The following PPP2R2B variants were observed in gnomAD, a reference collection of about 807,000 sequenced individuals.
PPP2R2B encodes serine/threonine-protein phosphatase 2A 55 kDa regulatory subunit B beta isoform.
Under a neutral mutation model 46.0 loss-of-function variants are expected in PPP2R2B, and 5 were observed. The ratio of observed to expected loss-of-function variants is 0.11; its 90% CI spans 0.06 to 0.23. The LOEUF (loss-of-function observed/expected upper bound fraction) is 0.23, where lower values mean the gene tolerates loss of function less well. PPP2R2B is among the 10% of genes least tolerant of loss of function. The pLI is 1.00. For synonymous variants in PPP2R2B, 215 were observed against 206.7 expected, an observed-to-expected ratio of 1.04 and a Z score of -0.34; for missense variants, 367 against 575.0, an observed-to-expected ratio of 0.64 and a Z score of 3.70.
intron 5 of PPP2R2B, among the ~76,000 whole-genome samples, chr5:146,658,045 G>A (rs1277779379): frequency 6.6e-6 from 1 of 152,150 alleles, no homozygotes; most frequent in Non-Finnish European, 1.5e-5. Context: ...GCCACACAGA[G>A]TATCCTTGAG....
At chr5:147,018,043 G>GCACACA (rs60161356) in intron 1 of PPP2R2B, among the ~76,000 whole-genome samples, 24 of 48,278 alleles carry the variant, frequency 5.0e-4, no homozygotes, top group African/African-American at 2.5e-3. Flanking sequence ...GCATGCGCGC[G>GCACACA]CACACACACA....
chr5:146,844,366 AC>A (rs975239104), intron 2 of PPP2R2B, among the ~76,000 whole-genome samples: 14 of 132,212 alleles, frequency 1.1e-4, no homozygotes, highest in South Asian at 1.1e-3. Context: ...AAAAAAAAAA[AC>A]ATTAAAAAAA....
intron 1 of PPP2R2B, among the ~76,000 whole-genome samples, chr5:147,039,570 A>G (rs778374074): frequency 5.9e-5 from 9 of 152,158 alleles, no homozygotes; most frequent in Admixed American, 2.0e-4. Context: ...ACCAGTAAGC[A>G]CCCAAATTAG....
rs989883984 is a variant in PPP2R2B at position 146,585,386 on chromosome 5, C to T, written c.*4561G>A. Reference sequence around the variant, plus strand: ...TTGTGAACTGTGTAAATTTGGTTGTCATTCATCTGTTTCTGTATCTATAAA... The same window carrying T: ...TTGTGAACTGTGTAAATTTGGTTGTTATTCATCTGTTTCTGTATCTATAAA... On this transcript the variant is annotated 3_prime_UTR_variant, in exon 10 of 10. Transcript: ENST00000394411. 1 of 151,906 alleles carries T rather than the reference C, an allele frequency of 6.6e-6. No homozygotes were observed. The highest frequency in any genetic ancestry group is 1.5e-5 in the Non-Finnish European group (1 of 68,018). The allele number at this position is 151,906 out of a possible 1,614,324, so 9.4% of individuals were successfully genotyped here.
chr5:146,852,723 A>G (rs1440536364), intron 2 of PPP2R2B, among the ~76,000 whole-genome samples: 2 of 152,158 alleles, frequency 1.3e-5, no homozygotes, highest in Non-Finnish European at 2.9e-5. Context: ...GAACCTGCTT[A>G]TGTGACAATA....
chr5:146,841,854 C>A (rs1369270614), intron 2 of PPP2R2B, among the ~76,000 whole-genome samples: 2 of 152,072 alleles, frequency 1.3e-5, no homozygotes, highest in African/African-American at 4.8e-5. Context: ...ATGGGTGCAG[C>A]AAACCACCAT....
At chr5:147,007,766 TG>T (rs532396477) in intron 1 of PPP2R2B, among the ~76,000 whole-genome samples, 1 of 152,162 alleles carries the variant, frequency 6.6e-6, no homozygotes, top group Non-Finnish European at 1.5e-5. Context: ...GCTGTAACAC[TG>T]ACTGCGAGGG....
intron 1 of PPP2R2B, among the ~76,000 whole-genome samples, chr5:146,958,944 C>A (rs1752048802): frequency 6.6e-6 from 1 of 152,102 alleles, no homozygotes; most frequent in Non-Finnish European, 1.5e-5. Flanking sequence ...CAAGATCATC[C>A]ATTTAGTAAG....
upstream of PPP2R2B, among the ~76,000 whole-genome samples, chr5:147,059,134 A>G (rs1757180584): frequency 6.6e-6 from 1 of 152,176 alleles, no homozygotes; most frequent in Non-Finnish European, 1.5e-5. Context: ...GCAACATAGG[A>G]TATGAGATAC....
intron 1 of PPP2R2B, among the ~76,000 whole-genome samples, chr5:146,942,515 A>G (rs980207222): frequency 6.6e-6 from 1 of 152,194 alleles, no homozygotes; most frequent in Non-Finnish European, 1.5e-5. Context: ...GCACTTGTGC[A>G]ATTACTTCTT....
chr5:147,031,168 C>T (rs924014840), intron 1 of PPP2R2B, among the ~76,000 whole-genome samples: 4 of 151,884 alleles, frequency 2.6e-5, no homozygotes, highest in Admixed American at 6.6e-5. Flanking sequence ...ACCCGGGAGG[C>T]GGAGCTTGCA....
intron 2 of PPP2R2B, among the ~76,000 whole-genome samples, chr5:146,812,826 T>TAC: frequency 1.1e-5 from 1 of 91,786 alleles, no homozygotes; most frequent in African/African-American, 4.1e-5. Context: ...TATATATATA[T>TAC]ATACACACAC....
At chr5:146,984,357 C>A (rs987701713) in intron 1 of PPP2R2B, among the ~76,000 whole-genome samples, 2 of 152,114 alleles carry the variant, frequency 1.3e-5, no homozygotes, top group African/African-American at 4.8e-5. Context: ...CTGTGCCTGC[C>A]TTATTTGACT....
intron 1 of PPP2R2B, among the ~76,000 whole-genome samples, chr5:146,985,026 T>C (rs1271787499): frequency 2.8e-5 from 4 of 144,356 alleles, no homozygotes; most frequent in East Asian, 4.0e-4. Flanking sequence ...TCTTTTTTTT[T>C]TTTTTTTTTT....
At chr5:146,649,194 T>G (rs1775780884) in intron 6 of PPP2R2B, among the ~76,000 whole-genome samples, 1 of 151,806 alleles carries the variant, frequency 6.6e-6, no homozygotes, top group Admixed American at 6.6e-5. Context: ...ATAGATGGAG[T>G]TAGAGTAGGG....
At chr5:147,011,753 T>A (rs1392695772) in intron 1 of PPP2R2B, among the ~76,000 whole-genome samples, 2 of 149,552 alleles carry the variant, frequency 1.3e-5, no homozygotes, top group Admixed American at 1.3e-4. Flanking sequence ...ATATGTCCCA[T>A]CAATACCTAA....
chr5:146,709,141 C>A (rs1204089965), intron 2 of PPP2R2B, among the ~76,000 whole-genome samples: 1 of 152,138 alleles, frequency 6.6e-6, no homozygotes. Context: ...TTAATTAATT[C>A]TGTGCATACT....
At chr5:146,897,808 G>GA (rs34021321) in intron 1 of PPP2R2B, among the ~76,000 whole-genome samples, 145 of 149,048 alleles carry the variant, frequency 9.7e-4, no homozygotes, top group Non-Finnish European at 1.4e-3. Flanking sequence ...TAGAGAATAA[G>GA]AAAAAAAAAA....
intron 2 of PPP2R2B, among the ~76,000 whole-genome samples, chr5:146,866,093 T>A (rs1449999684): frequency 6.6e-6 from 1 of 152,180 alleles, no homozygotes; most frequent in African/African-American, 2.4e-5. Context: ...AATGGAAGAA[T>A]TGAGTAGCTG....
Sources: gnomAD v4.1 joint callset for allele counts (sites outside exome capture counted in the v4.1 genomes callset) on GRCh38, gnomAD v4.1.1 for gene constraint, MANE v1.5 for transcripts, NCBI Gene and HGNC (gene_info 2026-07-23, HGNC 2026-07-21) for gene names.